The following ARHGEF6 variants were observed in gnomAD, a reference collection of about 807,000 sequenced individuals.
ARHGEF6 encodes the protein Rac/Cdc42 guanine nucleotide exchange factor 6, also known as rho guanine nucleotide exchange factor 6.
In ARHGEF6, 9 loss-of-function variants were observed where a neutral mutation model predicts 70.3. That is an observed-to-expected ratio of 0.13 (90% CI 0.08 to 0.22). The LOEUF is 0.22. Among genes scored for constraint, ARHGEF6 ranks in the 10% least tolerant of loss-of-function variants. The probability of loss-of-function intolerance (pLI) is 1.00; values close to 1 mark genes in which losing one functional copy is unlikely to be tolerated. For synonymous variants in ARHGEF6, 201 were observed against 207.8 expected (o/e 0.97, Z 0.28); for missense variants, 470 against 563.0 (o/e 0.83, Z 1.67).
In ARHGEF6 at chrX:136,676,631, A is replaced by C; in HGVS notation, c.1938T>G (p.Ile646Met). The C allele has an allele frequency of 2.5e-6, 3 of 1,195,446 alleles. No individual in the cohort carries two copies. The African/African-American group carries it at 5.2e-5, about 21-fold the overall frequency. Residue 646 changes from isoleucine to methionine, a missense_variant, in exon 18 of 22, where the codon ATT becomes ATG. This residue lies in a region of ARHGEF6 where 88 missense variants were observed against 95.5 expected (regional missense o/e 0.92). Coordinates refer to ENST00000250617, the MANE Select transcript of ARHGEF6 (RefSeq NM_004840.3). Reference protein sequence around the residue: ...ERKPSEEEYVIRKSTAALEED... With the variant: ...ERKPSEEEYVMRKSTAALEED... The stretch of plus-strand genomic sequence containing the variant: ...AAAGTACAAAACACATACTTTTCCT[A>C]ATCACATATTCCTCCTCCGATGGTT...
chrX:136,676,626 T>C lies in ARHGEF6; in HGVS notation c.1943A>G (p.Lys648Arg), dbSNP rs375084147. ...KPSEEEYVIR[K>R]STAALEEDAQ... ...TTCAGAAAGTACAAAACACATACTT[T>C]TCCTAATCACATATTCCTCCTCCGA... Residue 648 changes from lysine to arginine, a missense_variant and splice_region_variant, in exon 18 of 22, where the codon AAA (lysine) becomes AGA (arginine). Lys to Arg is a conservative substitution (Grantham distance 26, BLOSUM62 2). This residue lies in a region of ARHGEF6 where 88 missense variants were observed against 95.5 expected (regional missense o/e 0.92). Coordinates refer to ENST00000250617, the MANE Select transcript of ARHGEF6 (RefSeq NM_004840.3). 3.4e-6 allele frequency: 4 copies of C among 1,190,727 alleles called. No individual in the cohort carries two copies. The African/African-American group carries it at 7.0e-5, about 21-fold the overall frequency.
chrX:136,766,689 T>G (rs775869818), intron 2 of ARHGEF6, among the ~76,000 whole-genome samples: 1 of 112,872 alleles, frequency 8.9e-6, no homozygotes, highest in East Asian at 2.8e-4. Context: ...ACAGGCACTT[T>G]GGAACACCTT....
intron 6 of ARHGEF6, among the ~76,000 whole-genome samples, chrX:136,730,791 T>C (rs894702593): frequency 1.2e-4 from 13 of 111,759 alleles, no homozygotes; most frequent in South Asian, 7.5e-4. Flanking sequence ...TCGACCATTA[T>C]ATATATAGGA....
At chrX:136,759,368 G>T (rs1046218140) in intron 2 of ARHGEF6, among the ~76,000 whole-genome samples, 1 of 111,581 alleles carries the variant, frequency 9.0e-6, no homozygotes, top group Non-Finnish European at 1.9e-5. Context: ...AGGCTGGCGC[G>T]GTGGCTCACA....
At chrX:136,680,301 A>C (rs904025352) in intron 15 of ARHGEF6, among the ~76,000 whole-genome samples, 2 of 112,813 alleles carry the variant, frequency 1.8e-5, no homozygotes, top group African/African-American at 6.4e-5. Flanking sequence ...ACCTTTGAAG[A>C]AGGTTACTGA....
At chrX:136,691,348 A>G (rs1257113899) in intron 9 of ARHGEF6, among the ~76,000 whole-genome samples, 1 of 111,639 alleles carries the variant, frequency 9.0e-6, no homozygotes, top group Non-Finnish European at 1.9e-5. Flanking sequence ...CAGGTTAACC[A>G]AACACTTCCA....
chrX:136,749,777 C>T (rs1480541283), intron 2 of ARHGEF6, among the ~76,000 whole-genome samples: 1 of 111,536 alleles, frequency 9.0e-6, no homozygotes, highest in African/African-American at 3.3e-5. Flanking sequence ...TTCTGAGGCA[C>T]TAGAAACTAC....
chrX:136,672,178 T>C, intron 19 of ARHGEF6, 59 bp from the exon 20 acceptor site: 2 of 852,221 alleles, frequency 2.3e-6, no homozygotes, highest in Non-Finnish European at 1.8e-6. Context: ...AGAGTAGAAA[T>C]AGTGGGTGTT....
chrX:136,710,126 C>A (rs749563858), intron 7 of ARHGEF6, among the ~76,000 whole-genome samples: 1 of 108,041 alleles, frequency 9.3e-6, no homozygotes, highest in South Asian at 4.1e-4. Flanking sequence ...GCCAACATGG[C>A]GAAATCCCAT....
At chrX:136,736,068 T>C (rs2076982540) in intron 5 of ARHGEF6, among the ~76,000 whole-genome samples, 1 of 112,280 alleles carries the variant, frequency 8.9e-6, no homozygotes, top group Non-Finnish European at 1.9e-5. Flanking sequence ...TCAATCACAC[T>C]TGCATCAATA....
At position 136,686,685 on chromosome X, in the gene ARHGEF6, TATATATATACACATATATATATAC is replaced by T. The variant is rs2076402261; in HGVS notation, c.1246-886_1246-863del. Reference sequence around the variant, plus strand: ...ACATGTGTATATATATATACACATATATATATATACACATATATATATACATATATATATATATATATATATATA... The same window carrying T: ...ACATGTGTATATATATATACACATATATATATATATATATATATATATATA... On this transcript the variant is annotated intron_variant, in intron 11 of 21. Transcript: ENST00000250617. Among the ~76,000 whole-genome samples, 3 of 63,850 alleles carry T rather than the reference TATATATATACACATATATATATAC, an allele frequency of 4.7e-5. No homozygotes were observed. The Admixed American group carries it at 6.7e-4, about 14-fold the overall frequency. 55.4% of individuals were successfully genotyped at this position (63,850 alleles called of 115,157 possible). A position where few individuals can be genotyped will look rare whatever the true frequency, so the allele number is the denominator to read the frequency against.
intron 9 of ARHGEF6, among the ~76,000 whole-genome samples, chrX:136,706,437 A>T (rs1215660212): frequency 9.0e-6 from 1 of 111,557 alleles, no homozygotes; most frequent in Non-Finnish European, 1.9e-5. Flanking sequence ...TGTGTCAGCA[A>T]CTCAGAAAAA....
At chrX:136,727,395 T>TTCTCTC (rs1188095168) in intron 6 of ARHGEF6, among the ~76,000 whole-genome samples, 10 of 53,613 alleles carry the variant, frequency 1.9e-4, no homozygotes, top group African/African-American at 3.9e-4. Context: ...CTTTCTTTCT[T>TTCTCTC]TCTCTCTCTC....
chrX:136,686,761 G>T (rs1429965273), intron 11 of ARHGEF6, among the ~76,000 whole-genome samples: 1 of 87,880 alleles, frequency 1.1e-5, no homozygotes, highest in Non-Finnish European at 2.2e-5. Context: ...AAACTGTGAG[G>T]TTATCTTAGA....
chrX:136,712,464 A>G (rs1224997441), intron 7 of ARHGEF6, among the ~76,000 whole-genome samples: 1 of 112,502 alleles, frequency 8.9e-6, no homozygotes, highest in Non-Finnish European at 1.9e-5. Context: ...GATAGTTTAG[A>G]CAACTGTTTA....
chrX:136,679,801 G>T, intron 15 of ARHGEF6, 141 bp from the exon 16 acceptor site: 1 of 763,040 alleles, frequency 1.3e-6, no homozygotes, highest in Non-Finnish European at 2.0e-6. Flanking sequence ...AAAGTCTCTA[G>T]TTTGAGAACT....
chrX:136,762,655 C>T (rs1307297842), intron 2 of ARHGEF6, among the ~76,000 whole-genome samples: 1 of 111,150 alleles, frequency 9.0e-6, no homozygotes, highest in Non-Finnish European at 1.9e-5. Context: ...CGATGCCTGG[C>T]TAATTTTTGT....
At position 136,743,666 on chromosome X, in the gene ARHGEF6, C is replaced by T. The variant is rs757130619; in HGVS notation, c.580G>A (p.Glu194Lys). The T allele has an allele frequency of 1.4e-5, 17 of 1,210,355 alleles. No individual in the cohort carries two copies. Among genetic ancestry groups the T allele is most frequent in the Non-Finnish European group, 1.8e-5 (16 of 895,256 alleles). The change falls in exon 5 of 22, where the codon GAA becomes AAA. Residue 194 changes from glutamate (E) to lysine (K), a missense_variant. Physicochemically the swap from Glu to Lys is moderately conservative, Grantham distance 56. This residue lies in a region of ARHGEF6 where 379 missense variants were observed against 449.3 expected (regional missense o/e 0.84). Transcript: ENST00000250617. The stretch of plus-strand genomic sequence containing the variant: ...AATGTGCCTTCCCACCAGCCTCCTT[C>T]TTCAACTCGTGTGACGTAAATGATG... ...GDIIYVTRVE[E>K]GGWWEGTLNG...
intron 4 of ARHGEF6, among the ~76,000 whole-genome samples, 158 bp downstream of exon 4, chrX:136,745,065 T>C (rs189124652): frequency 9.0e-4 from 101 of 112,289 alleles, no homozygotes; most frequent in African/African-American, 3.2e-3. Context: ...ATTTGCTCCT[T>C]CGGGCCAGCC....
Sources: allele counts gnomAD v4.1 joint callset (sites outside exome capture counted in the v4.1 genomes callset), GRCh38; gene constraint gnomAD v4.1.1; regional missense constraint gnomAD v4.1.1; transcripts MANE v1.5; gene names NCBI Gene and HGNC (gene_info 2026-07-23, HGNC 2026-07-21).